The following TCF25 variants were observed in gnomAD, a reference collection of about 807,000 sequenced individuals.
The protein encoded by TCF25 is TCF25 ribosome quality control complex subunit, also known as ribosome quality control complex subunit TCF25.
TCF25 carries 41 observed loss-of-function variants against 83.1 expected under a neutral mutation model. That is an observed-to-expected ratio of 0.49 (90% CI 0.38 to 0.64). The LOEUF (loss-of-function observed/expected upper bound fraction) is 0.64. TCF25 is among the 30% of genes least tolerant of loss of function. The pLI is 0.00. For synonymous variants in TCF25, 458 were observed against 365.0 expected, an observed-to-expected ratio of 1.25 and a Z score of -2.90; for missense variants, 979 against 914.5, an observed-to-expected ratio of 1.07 and a Z score of -0.91.
At chr16:89,903,270 C>G (rs1035897237) in intron 12 of TCF25, among the ~76,000 whole-genome samples, 5 of 152,266 alleles carry the variant, frequency 3.3e-5, no homozygotes, top group African/African-American at 1.2e-4. Context: ...GGGGCCCGTT[C>G]CCCTACATGG....
intron 1 of TCF25, 53 bp from the exon 2 acceptor site, chr16:89,883,298 G>A: frequency 2.5e-6 from 4 of 1,592,164 alleles, no homozygotes; most frequent in Middle Eastern, 1.7e-4. Flanking sequence ...ATCTCAGCAT[G>A]AGCGTTCACA....
chr16:89,885,990 G>A lies in TCF25; in HGVS notation c.548+24G>A, dbSNP rs745420756. The A allele has an allele frequency of 3.2e-5, 51 of 1,589,408 alleles. 1 individual carries two copies. The South Asian group carries it at 4.3e-4, about 13-fold the overall frequency. ...AGGTGTGGCCCCCGCCCTTCTCTGC[G>A]GCTGCCCTTCTCTGCGGCTGCCCTT... On this transcript the variant is annotated intron_variant, in intron 4 of 17. Coordinates refer to ENST00000263346, the MANE Select transcript of TCF25 (RefSeq NM_014972.3).
At chr16:89,901,298 C>G (rs2044303330) in intron 12 of TCF25, among the ~76,000 whole-genome samples, 1 of 152,356 alleles carries the variant, frequency 6.6e-6, no homozygotes, top group South Asian at 2.1e-4. Flanking sequence ...GCCACCTGGT[C>G]AGACCTCGGG....
intron 16 of TCF25, among the ~76,000 whole-genome samples, chr16:89,908,637 C>G (rs1238151858): frequency 8.4e-6 from 1 of 119,534 alleles, no homozygotes. Flanking sequence ...CTCCCACCTC[C>G]CACCTCCCAG....
chr16:89,910,799 G>A lies in TCF25; in HGVS notation c.1872+136G>A. On this transcript the variant is annotated intron_variant, in intron 17 of 17. Coordinates refer to ENST00000263346, the MANE Select transcript of TCF25 (RefSeq NM_014972.3). ...AGCAGGGAAGGACCAAGGCTGCATT[G>A]TGCCAGTGGGGTGCCCATTCTGCCG... 5 of 1,076,098 alleles carry A rather than the reference G, an allele frequency of 4.6e-6. No individual in the cohort carries two copies. In the South Asian group the frequency reaches 7.3e-5, roughly 16 times the overall value. 66.7% of individuals were successfully genotyped at this position (1,076,098 alleles called of 1,614,324 possible).
At chr16:89,908,573 C>T (rs1334128645) in intron 16 of TCF25, among the ~76,000 whole-genome samples, 7 of 131,632 alleles carry the variant, frequency 5.3e-5, no homozygotes, top group East Asian at 2.4e-4. Context: ...CCTCTTTCCT[C>T]GCAGTTCCCA....
chr16:89,885,867 T>A lies in TCF25; in HGVS notation c.449T>A (p.Ile150Asn). 2 of 1,612,928 alleles carry A rather than the reference T, an allele frequency of 1.2e-6. No individual in the cohort carries two copies. Among genetic ancestry groups the A allele is most frequent in the Non-Finnish European group, 8.5e-7 (1 of 1,178,964 alleles). Residue 150 changes from isoleucine (I) to asparagine (N), a missense_variant, in exon 4 of 18, where the codon ATC (isoleucine) becomes AAC (asparagine). Physicochemically the swap from Ile to Asn is moderately radical, Grantham distance 149. Coordinates refer to ENST00000263346, the MANE Select transcript of TCF25 (RefSeq NM_014972.3). ...GEASENGLED[I>N]DRILERIEDS... ...TTTTAGGAAAACGGACTAGAAGATA[T>A]CGATCGCATCCTAGAGAGGATTGAG... is the stretch of plus-strand genomic sequence containing the variant.
intron 1 of TCF25, among the ~76,000 whole-genome samples, chr16:89,874,086 A>C (rs1247475263): frequency 6.8e-6 from 1 of 147,172 alleles, no homozygotes; most frequent in African/African-American, 2.5e-5. Flanking sequence ...ACTGGGTTCT[A>C]ACCCCGGTGA....
rs1275124555 is a variant in TCF25 at position 89,873,788 on chromosome 16, C to T, written c.121C>T (p.Arg41Trp). Reference sequence around the variant, plus strand: ...TGACGCGGAAGAAGAAGGGCCCAAGCGGGAGCTTGGTGTCCGGCGTCCCGG... The same window carrying T: ...TGACGCGGAAGAAGAAGGGCCCAAGTGGGAGCTTGGTGTCCGGCGTCCCGG... ...DDDAEEEGPK[R>W]ELGVRRPGGA... Residue 41 changes from arginine (R) to tryptophan (W), a missense_variant, in exon 1 of 18, where the codon CGG becomes TGG. By Grantham distance (101) the Arg-to-Trp change is moderately radical. Coordinates refer to ENST00000263346, the MANE Select transcript of TCF25 (RefSeq NM_014972.3). 11 of 1,603,388 alleles carry T rather than the reference C, an allele frequency of 6.9e-6. No individual in the cohort carries two copies. Among genetic ancestry groups the T allele is most frequent in the Admixed American group, 1.7e-5 (1 of 58,846 alleles).
chr16:89,906,159 T>C, intron 14 of TCF25, 35 bp from the exon 15 acceptor site: 1 of 1,593,300 alleles, frequency 6.3e-7, no homozygotes, highest in Non-Finnish European at 8.6e-7. Flanking sequence ...TTTGCTGTGC[T>C]TTATCTGCTG....
intron 1 of TCF25, chr16:89,878,457 T>G: frequency 8.1e-7 from 1 of 1,233,694 alleles, no homozygotes; most frequent in Non-Finnish European, 1.0e-6. Context: ...TTTTTTTTTT[T>G]TAGGAAAAAT....
intron 1 of TCF25, 27 bp downstream of exon 1, chr16:89,873,886 G>C: frequency 6.6e-7 from 1 of 1,504,742 alleles, no homozygotes; most frequent in Non-Finnish European, 8.9e-7. Flanking sequence ...CCCGGGTGGG[G>C]GTGGGGTGGC....
At position 89,898,845 on chromosome 16, in the gene TCF25, C is replaced by A; in HGVS notation, c.1194C>A (p.Tyr398Ter). ...HLALRARNYE[Y>*]LIRLFQEWEA... Reference sequence around the variant, plus strand: ...CCTTGCGGGCCCGGAACTACGAGTACCTGATCCGCCTCTTCCAGGAGTGGG... The same window carrying A: ...CCTTGCGGGCCCGGAACTACGAGTAACTGATCCGCCTCTTCCAGGAGTGGG... Residue 398 changes from tyrosine (Y) to a stop codon, truncating the protein, a stop_gained, in exon 11 of 18, where the codon TAC becomes TAA. Transcript: ENST00000263346. LOFTEE classifies it high-confidence loss of function. 1 of 1,613,886 alleles carries A rather than the reference C, an allele frequency of 6.2e-7. No homozygotes were observed. Among genetic ancestry groups the A allele is most frequent in the Non-Finnish European group, 8.5e-7 (1 of 1,180,042 alleles).
intron 12 of TCF25, 26 bp from the exon 13 acceptor site, chr16:89,904,092 C>G (rs1438040062): frequency 6.3e-7 from 1 of 1,593,702 alleles, no homozygotes; most frequent in African/African-American, 1.3e-5. Flanking sequence ...CTGAGGGCCC[C>G]CACAGAGCCT....
At position 89,893,748 on chromosome 16, in the gene TCF25, G is replaced by A; in HGVS notation, c.718G>A (p.Glu240Lys). The change falls in exon 7 of 18, where the codon GAA becomes AAA. Residue 240 changes from glutamate (E) to lysine (K), a missense_variant. By Grantham distance (56) the Glu-to-Lys change is moderately conservative (BLOSUM62 1). Coordinates refer to ENST00000263346, the MANE Select transcript of TCF25 (RefSeq NM_014972.3). ...SKPGLSMRLLESKKGLSFFAF... is the reference protein window; with the variant it reads ...SKPGLSMRLLKSKKGLSFFAF... ...CCCAGGTCTGTCCATGCGGCTGCTG[G>A]AATCAAAAAAAGGCCTCTCCTTCTT... is the stretch of plus-strand genomic sequence containing the variant. The A allele has an allele frequency of 1.2e-6, 2 of 1,613,844 alleles. No individual in the cohort carries two copies. The highest frequency in any genetic ancestry group is 1.7e-6 in the Non-Finnish European group (2 of 1,179,954).
At chr16:89,908,506 A>G (rs1440709900) in intron 16 of TCF25, among the ~76,000 whole-genome samples, 17 of 96,682 alleles carry the variant, frequency 1.8e-4, no homozygotes, top group South Asian at 3.7e-4. Flanking sequence ...CGCAGTTCCC[A>G]CCTCCCACCT....
In TCF25 at chr16:89,900,714, A is replaced by C; in HGVS notation, c.1301A>C (p.Asp434Ala). Residue 434 changes from aspartate (D) to alanine (A), a missense_variant, in exon 12 of 18, where the codon GAC (aspartate) becomes GCC (alanine). By Grantham distance (126) the Asp-to-Ala change is moderately radical (BLOSUM62 -2). Coordinates refer to ENST00000263346, the MANE Select transcript of TCF25 (RefSeq NM_014972.3). Reference protein sequence around the residue: ...LAYFLLSQQTDLPECEQSSAR... With the variant: ...LAYFLLSQQTALPECEQSSAR... ...TATTTCCTGCTGAGCCAGCAGACAG[A>C]CCTCCCTGAGTGTGAGCAGAGCTCT... The C allele has an allele frequency of 6.2e-7, 1 of 1,605,934 alleles. No individual in the cohort carries two copies. The highest frequency in any genetic ancestry group is 8.5e-7 in the Non-Finnish European group (1 of 1,173,316).
At chr16:89,909,321 C>T (rs1259436850) in intron 16 of TCF25, 1 of 400,210 alleles carries the variant, frequency 2.5e-6, no homozygotes, top group Non-Finnish European at 4.4e-6. Context: ...ACCAGCCTGG[C>T]CAACGTGCTG....
chr16:89,907,166 CAGA>C (rs1161300401), intron 15 of TCF25, 74 bp from the exon 16 acceptor site: 5 of 1,435,054 alleles, frequency 3.5e-6, no homozygotes, highest in African/African-American at 1.4e-5. Flanking sequence ...CTGGAGTCGA[CAGA>C]AGGACTCTGC....
Sources: gnomAD v4.1 joint callset for allele counts (sites outside exome capture counted in the v4.1 genomes callset) on GRCh38, gnomAD v4.1.1 for gene constraint, MANE v1.5 for transcripts, NCBI Gene and HGNC (gene_info 2026-07-23, HGNC 2026-07-21) for gene names.